The following WDR90 variants were observed in gnomAD, a reference collection of about 807,000 sequenced individuals.
The protein encoded by WDR90 is WD repeat-containing protein 90.
In WDR90, 238 loss-of-function variants were observed where a neutral mutation model predicts 195.2. The observed-to-expected ratio is 1.22, with a 90% CI of 1.10 to 1.36. The LOEUF (loss-of-function observed/expected upper bound fraction) is 1.36. WDR90 is among the 40% of genes most tolerant of loss of function. The pLI is 0.00. For synonymous variants in WDR90, 1,265 were observed against 1,052.4 expected (o/e 1.20, Z -3.91); for missense variants, 2,734 against 2,439.5 (o/e 1.12, Z -2.54).
intron 22 of WDR90, 21 bp from the exon 23 acceptor site, chr16:658,503 TC>T (rs2037810861): frequency 1.3e-6 from 2 of 1,596,210 alleles, no homozygotes. Context: ...ACACGGCATT[TC>T]CCAAGAGCAC....
In WDR90 at chr16:661,411, G is replaced by A. The variant is rs1434999064; in HGVS notation, c.3583G>A (p.Gly1195Ser). The A allele has an allele frequency of 1.2e-6, 2 of 1,612,220 alleles. No individual in the cohort carries two copies. The highest frequency in any genetic ancestry group is 2.2e-5 in the East Asian group (1 of 44,864). ...TCAGATCCGCGTCTGGGACGTGTCT[G>A]GCGGCCTCTGCCAGCATCTCATTTT... is the stretch of plus-strand genomic sequence containing the variant. The part of the protein sequence containing the change: ...HCQIRVWDVS[G>S]GLCQHLIFPH... The change falls in exon 30 of 41, where the codon GGC becomes AGC. Residue 1195 changes from glycine (G) to serine (S), a missense_variant. Transcript: ENST00000293879.
rs546426713 is a variant in WDR90, at chr16:659,486, C to T, written c.3184+110C>T. 278 of 1,406,676 alleles carry T rather than the reference C, an allele frequency of 2.0e-4. 2 individuals are homozygous for T. In the South Asian group the frequency reaches 3.4e-3, roughly 17 times the overall value. 87.1% of individuals were successfully genotyped at this position (1,406,676 alleles called of 1,614,324 possible). On this transcript the variant is annotated intron_variant, in intron 26 of 40. Transcript: ENST00000293879. ...TCCAGCTCTGGGGTGCAGGTGCCAT[C>T]GCTGCTCATCAGGTGGAACACAGTG... is the stretch of plus-strand genomic sequence containing the variant.
intron 34 of WDR90, among the ~76,000 whole-genome samples, chr16:664,440 T>C (rs2037982895): frequency 6.6e-6 from 1 of 152,188 alleles, no homozygotes; most frequent in Non-Finnish European, 1.5e-5. Flanking sequence ...CATGTGTGTG[T>C]CCATCCACCA....
In WDR90 at chr16:661,611, C is replaced by G; in HGVS notation, c.3688C>G (p.Arg1230Gly). The change falls in exon 31 of 41, where the codon CGC (arginine) becomes GGC (glycine). Residue 1230 changes from arginine (R) to glycine (G), a missense_variant. Physicochemically the swap from Arg to Gly is moderately radical, Grantham distance 125 (BLOSUM62 -2). Transcript: ENST00000293879. ...LLVTLGDHDG[R>G]TLALWGTATY... ...GTCCTTCCCAGGGGACCACGATGGCCGCACCCTCGCCCTGTGGGGCACGGC... is the reference window on the plus strand; with the variant it reads ...GTCCTTCCCAGGGGACCACGATGGCGGCACCCTCGCCCTGTGGGGCACGGC... 3 of 1,592,044 alleles carry G rather than the reference C, an allele frequency of 1.9e-6. No individual in the cohort carries two copies. Among genetic ancestry groups the G allele is most frequent in the Non-Finnish European group, 2.6e-6 (3 of 1,167,732 alleles).
Position 649,788 on chromosome 16 carries a change from C to G in WDR90, c.36C>G (p.Val12=), listed in dbSNP as rs756464901. 4.5e-6 allele frequency: 7 copies of G among 1,571,912 alleles called. No homozygotes were observed. Among genetic ancestry groups the G allele is most frequent in the South Asian group, 1.2e-5 (1 of 86,320 alleles). Residue 12 remains valine, a synonymous_variant, in exon 2 of 41, where the codon GTC becomes GTG. Coordinates refer to ENST00000293879, the MANE Select transcript of WDR90 (RefSeq NM_145294.5). ...CGTGGCAGCACCCGTTCCTCAACGT[C>G]TTCAGACACTTCCGGGTGGACGAGT... The part of the protein sequence containing the change: ...ARAWQHPFLN[V]FRHFRVDEWK...
Position 661,579 on chromosome 16 carries a change from GCT to G in WDR90, c.3674-15_3674-14del, listed in dbSNP as rs769985834. ...CTGCATCTGTGCACCTGACGTGGCT[GCT>G]CTGTGTCCTTCCCAGGGGACCACGA... On this transcript the variant is annotated splice_polypyrimidine_tract_variant and intron_variant, in intron 30 of 40. Coordinates refer to ENST00000293879, the MANE Select transcript of WDR90 (RefSeq NM_145294.5). 2 of 1,580,910 alleles carry G rather than the reference GCT, an allele frequency of 1.3e-6. No individual in the cohort carries two copies. The highest frequency in any genetic ancestry group is 1.7e-6 in the Non-Finnish European group (2 of 1,160,060).
chr16:650,091 C>A lies in WDR90; in HGVS notation c.203C>A (p.Thr68Lys), dbSNP rs374792797. The A allele has an allele frequency of 6.2e-7, 1 of 1,613,068 alleles. No individual in the cohort carries two copies. Among genetic ancestry groups the A allele is most frequent in the Non-Finnish European group, 8.5e-7 (1 of 1,179,986 alleles). The stretch of plus-strand genomic sequence containing the variant: ...AGCAGCACCCAGTCTCTGGGGCTGA[C>A]GGGACGATACCTGTATGTGCTCTTT... ...PKSSTQSLGLTGRYLYVLFRP... is the reference protein window; with the variant it reads ...PKSSTQSLGLKGRYLYVLFRP... Residue 68 changes from threonine to lysine, a missense_variant, in exon 3 of 41, where the codon ACG becomes AAG. Transcript: ENST00000293879.
Position 658,363 on chromosome 16 carries a change from G to A in WDR90, c.2766+19G>A. 6.2e-7 allele frequency: 1 copy of A among 1,609,836 alleles called. No individual in the cohort carries two copies. On this transcript the variant is annotated intron_variant, in intron 22 of 40. Transcript: ENST00000293879. ...CCGGGAGGTGAGCCTCAGGGCTGTG[G>A]CCCGCCGACCTGGCCCTCCCTGTGC...
intron 19 of WDR90, 104 bp downstream of exon 19, chr16:656,975 A>T: frequency 6.4e-7 from 1 of 1,552,104 alleles, no homozygotes; most frequent in Non-Finnish European, 8.7e-7. Flanking sequence ...CTGGAGCCCC[A>T]CCCTTTGCTG....
chr16:650,390 C>A (rs928582880), intron 4 of WDR90, 28 bp downstream of exon 4: 1 of 1,601,952 alleles, frequency 6.2e-7, no homozygotes, highest in Non-Finnish European at 8.5e-7. Flanking sequence ...TGTGGATGAT[C>A]CAGGACAGGT....
Position 662,697 on chromosome 16 carries a change from C to G in WDR90, c.4164C>G (p.His1388Gln). 1 of 1,558,724 alleles carries G rather than the reference C, an allele frequency of 6.4e-7. No homozygotes were observed. The highest frequency in any genetic ancestry group is 8.7e-7 in the Non-Finnish European group (1 of 1,148,228). ...GGTCCAGTTCTGTGTTCATGGAACA[C>G]GAGCTGGTGCTGGACGGGGCTGTGG... ...GSGASSVFME[H>Q]ELVLDGAVVS... Residue 1388 changes from histidine to glutamine, a missense_variant, in exon 34 of 41, where the codon CAC becomes CAG. Coordinates refer to ENST00000293879, the MANE Select transcript of WDR90 (RefSeq NM_145294.5).
Position 650,274 on chromosome 16 carries a change from G to T in WDR90, c.300G>T (p.Val100=). The T allele has an allele frequency of 6.2e-7, 1 of 1,612,984 alleles. No individual in the cohort carries two copies. The highest frequency in any genetic ancestry group is 8.5e-7 in the Non-Finnish European group (1 of 1,179,942). Residue 100 remains valine (V), a synonymous_variant, in exon 4 of 41, where the codon GTG becomes GTT. Coordinates refer to ENST00000293879, the MANE Select transcript of WDR90 (RefSeq NM_145294.5). ...CACAGGACAACCAAGTCATCCGTGT[G>T]TCTTTCTCCAACCTCTTCAAGGAGT... is the stretch of plus-strand genomic sequence containing the variant. ...VSSKDNQVIR[V]SFSNLFKEFK...
chr16:657,988 C>A, intron 21 of WDR90, 96 bp downstream of exon 21: 2 of 1,461,960 alleles, frequency 1.4e-6, no homozygotes, highest in Non-Finnish European at 1.8e-6. Context: ...GAGCAGGACC[C>A]AGGCCCTGTC....
chr16:655,604 G>A lies in WDR90; in HGVS notation c.1750G>A (p.Glu584Lys). ...GTGCAGCCGCAGTGGCCACATCTTG[G>A]AGATTGACTGTCAGCGCATGGTCGT... ...FVCSRSGHIL[E>K]IDCQRMVVRH... Residue 584 changes from glutamate (E) to lysine (K), a missense_variant, in exon 16 of 41, where the codon GAG becomes AAG. Glu to Lys is a moderately conservative substitution (Grantham distance 56). Transcript: ENST00000293879. 1 of 1,606,382 alleles carries A rather than the reference G, an allele frequency of 6.2e-7. No individual in the cohort carries two copies. Among genetic ancestry groups the A allele is most frequent in the South Asian group, 1.1e-5 (1 of 90,648 alleles).
At chr16:650,405 G>A (rs2037620551) in intron 4 of WDR90, 43 bp downstream of exon 4, 6 of 1,597,288 alleles carry the variant, frequency 3.8e-6, no homozygotes, top group Non-Finnish European at 5.1e-6. Flanking sequence ...ACAGGTGGCT[G>A]GAGGGAGTTG....
Position 661,449 on chromosome 16 carries a change from C to T in WDR90, c.3621C>T (p.Thr1207=). Residue 1207 remains threonine, a synonymous_variant, in exon 30 of 41, where the codon ACC becomes ACT. Coordinates refer to ENST00000293879, the MANE Select transcript of WDR90 (RefSeq NM_145294.5). ...AGCATCTCATTTTCCCCCATAGCAC[C>T]ACCGTGCTGGCCCTGGCCTTCTCAC... The part of the protein sequence containing the change: ...LCQHLIFPHS[T]TVLALAFSPD... The T allele has an allele frequency of 1.2e-6, 2 of 1,612,400 alleles. No homozygotes were observed. Among genetic ancestry groups the T allele is most frequent in the Non-Finnish European group, 1.7e-6 (2 of 1,179,806 alleles).
At position 653,776 on chromosome 16, in the gene WDR90, G is replaced by A. The variant is rs201053112; in HGVS notation, c.1410G>A (p.Gly470=). The A allele has an allele frequency of 2.7e-5, 44 of 1,613,280 alleles. No homozygotes were observed. In the African/African-American group the frequency reaches 5.5e-4, roughly 20 times the overall value. The change falls in exon 13 of 41, where the codon GGG becomes GGA. Residue 470 remains glycine, a synonymous_variant. Transcript: ENST00000293879. ...CTGACAGCGGGGCCCTTCTCTGCGGGGTTGGCAAGGACCACCACGGGAGGA... is the reference window on the plus strand; with the variant it reads ...CTGACAGCGGGGCCCTTCTCTGCGGAGTTGGCAAGGACCACCACGGGAGGA... ...SFSDSGALLC[G]VGKDHHGRTM...
At chr16:657,404 G>A in intron 20 of WDR90, 183 bp downstream of exon 20, 1 of 1,033,562 alleles carries the variant, frequency 9.7e-7, no homozygotes, top group Non-Finnish European at 1.4e-6. Context: ...GCGTTCACTG[G>A]ACCCCAAGGC....
rs900747144 is a variant in WDR90 at position 651,632 on chromosome 16, G to T, written c.737-12G>T. 11 of 1,611,370 alleles carry T rather than the reference G, an allele frequency of 6.8e-6. No individual in the cohort carries two copies. Among genetic ancestry groups the T allele is most frequent in the Non-Finnish European group, 9.3e-6 (11 of 1,179,564 alleles). ...GGCCCCTGGGTCACTGGGGTTCTTT[G>T]CTCTGTTCTAGTCCTCCTGGGGCCG... On this transcript the variant is annotated splice_polypyrimidine_tract_variant and intron_variant, in intron 7 of 40. Transcript: ENST00000293879.
Sources: allele counts gnomAD v4.1 joint callset (sites outside exome capture counted in the v4.1 genomes callset), GRCh38; gene constraint gnomAD v4.1.1; transcripts MANE v1.5; gene names NCBI Gene and HGNC (gene_info 2026-07-23, HGNC 2026-07-21).